THADA: variants seen among roughly 807,000 people sequenced by gnomAD.
The protein encoded by THADA is tRNA (32-2'-O)-methyltransferase regulator THADA.
Under a neutral mutation model 219.8 loss-of-function variants are expected in THADA, and 213 were observed. The observed-to-expected ratio is 0.97, with a 90% CI of 0.87 to 1.09. THADA has a LOEUF of 1.09. Among genes scored for constraint, THADA ranks in the 50% least tolerant of loss-of-function variants. The probability of loss-of-function intolerance (pLI) is 0.00; values close to 1 mark genes in which losing one functional copy is unlikely to be tolerated. For missense variants in THADA, 2,956 were observed against 2,311.3 expected (o/e 1.28, Z -5.72); for synonymous variants, 1,018 against 828.9 (o/e 1.23, Z -3.92).
At chr2:43,536,830 C>G (rs1694675093) in intron 21 of THADA, among the ~76,000 whole-genome samples, 1 of 152,138 alleles carries the variant, frequency 6.6e-6, no homozygotes, top group African/African-American at 2.4e-5. Context: ...ATGGAGCTAA[C>G]ACTAGAACCT....
At chr2:43,323,234 T>C (rs1414616087) in intron 30 of THADA, among the ~76,000 whole-genome samples, 1 of 152,046 alleles carries the variant, frequency 6.6e-6, no homozygotes, top group Non-Finnish European at 1.5e-5. Context: ...CTCAACCTCC[T>C]GGGCTCAAGC....
intron 22 of THADA, among the ~76,000 whole-genome samples, chr2:43,521,841 T>C (rs931390114): frequency 9.2e-5 from 14 of 152,238 alleles, no homozygotes; most frequent in African/African-American, 3.4e-4. Flanking sequence ...TAACTGGTCA[T>C]TAGACAATTA....
At chr2:43,485,471 TA>T (rs888232579) in intron 25 of THADA, 146 bp from the exon 26 acceptor site, 360 of 555,362 alleles carry the variant, frequency 6.5e-4, no homozygotes, top group South Asian at 3.3e-3. Context: ...TAAAATAATT[TA>T]AAAAAAAAAC....
At chr2:43,366,116 C>T (rs1429666030) in intron 29 of THADA, among the ~76,000 whole-genome samples, 1 of 152,168 alleles carries the variant, frequency 6.6e-6, no homozygotes, top group Non-Finnish European at 1.5e-5. Flanking sequence ...CTGTTCACTG[C>T]AGGGCAGGTG....
At chr2:43,312,977 CA>C (rs1283744862) in intron 31 of THADA, among the ~76,000 whole-genome samples, 3 of 152,132 alleles carry the variant, frequency 2.0e-5, no homozygotes, top group African/African-American at 7.2e-5. Flanking sequence ...ACTAAATAAT[CA>C]AAGCAGGTGT....
intron 36 of THADA, among the ~76,000 whole-genome samples, chr2:43,274,823 A>G (rs1471385902): frequency 6.6e-6 from 1 of 151,982 alleles, no homozygotes; most frequent in Non-Finnish European, 1.5e-5. Context: ...TCCCCTTTAA[A>G]GGTCTTACAT....
At chr2:43,248,182 G>C (rs1025747618) in intron 36 of THADA, among the ~76,000 whole-genome samples, 2 of 107,656 alleles carry the variant, frequency 1.9e-5, no homozygotes, top group East Asian at 2.3e-4. Context: ...GAGAGAGAGA[G>C]AGAGAGAGAG....
At chr2:43,417,857 C>A (rs1386356558) in intron 28 of THADA, among the ~76,000 whole-genome samples, 2 of 152,238 alleles carry the variant, frequency 1.3e-5, no homozygotes, top group South Asian at 2.1e-4. Flanking sequence ...TACTGCCCAA[C>A]ATTCCCCCCC....
chr2:43,473,650 C>T (rs548004831), intron 26 of THADA, among the ~76,000 whole-genome samples: 1 of 151,988 alleles, frequency 6.6e-6, no homozygotes, highest in African/African-American at 2.4e-5. Flanking sequence ...TCACTCTCAC[C>T]CAGGCTGGAG....
chr2:43,253,569 T>C (rs563389039), intron 36 of THADA, among the ~76,000 whole-genome samples: 37 of 152,272 alleles, frequency 2.4e-4, no homozygotes, highest in Non-Finnish European at 4.6e-4. Flanking sequence ...TATGTGGGTT[T>C]CATGACAATG....
chr2:43,550,457 T>C (rs2103874121), intron 19 of THADA, among the ~76,000 whole-genome samples: 1 of 152,240 alleles, frequency 6.6e-6, no homozygotes, highest in Non-Finnish European at 1.5e-5. Context: ...GATCAGAGAA[T>C]AAATTTTTAA....
rs1035611336 is a variant in THADA, at chr2:43,434,663, G to A, written c.3837-4361C>T. 5.9e-5 allele frequency among the ~76,000 whole-genome samples: 9 copies of A among 152,266 alleles called. No homozygotes were observed. In the South Asian group the frequency reaches 1.9e-3, roughly 32 times the overall value. Reference sequence around the variant, plus strand: ...TCAGAAAAGAGACAGGCCGCCGAGTGGCCCAAATCCAGCGGAAAACCATCT... The same window carrying A: ...TCAGAAAAGAGACAGGCCGCCGAGTAGCCCAAATCCAGCGGAAAACCATCT... On this transcript the variant is annotated intron_variant, in intron 26 of 37. Transcript: ENST00000405975.
intron 20 of THADA, among the ~76,000 whole-genome samples, chr2:43,547,840 C>T (rs1696234458): frequency 6.6e-6 from 1 of 152,192 alleles, no homozygotes; most frequent in South Asian, 2.1e-4. Context: ...GTAGTTTGAT[C>T]ATCTGAAGCC....
chr2:43,297,267 C>CGAG (rs1675550571), intron 31 of THADA, among the ~76,000 whole-genome samples: 1 of 111,094 alleles, frequency 9.0e-6, no homozygotes, highest in Non-Finnish European at 1.8e-5. Context: ...TCTGCCCGGC[C>CGAG]ACCCCGTCTG....
intron 36 of THADA, among the ~76,000 whole-genome samples, chr2:43,259,385 G>A (rs1670684768): frequency 6.6e-6 from 1 of 152,236 alleles, no homozygotes. Context: ...GGCTACAACT[G>A]AGATAGTACA....
chr2:43,347,238 G>C (rs1011501679), intron 29 of THADA, among the ~76,000 whole-genome samples: 24 of 152,128 alleles, frequency 1.6e-4, no homozygotes, highest in African/African-American at 5.3e-4. Context: ...GGTAAATGGC[G>C]TATAATAATA....
At chr2:43,554,692 T>C (rs1183015337) in intron 17 of THADA, among the ~76,000 whole-genome samples, 1 of 152,138 alleles carries the variant, frequency 6.6e-6, no homozygotes, top group East Asian at 1.9e-4. Context: ...GTCTCGGAAT[T>C]TGTTGGTGAG....
chr2:43,469,157 C>T (rs1684616954), intron 26 of THADA, among the ~76,000 whole-genome samples: 1 of 151,876 alleles, frequency 6.6e-6, no homozygotes, highest in Non-Finnish European at 1.5e-5. Context: ...ATACTGTAAG[C>T]AAAAGAGGAG....
chr2:43,396,301 T>G (rs1043791680), intron 29 of THADA, among the ~76,000 whole-genome samples: 1 of 152,154 alleles, frequency 6.6e-6, no homozygotes, highest in African/African-American at 2.4e-5. Flanking sequence ...TGCTTAGAGG[T>G]CACTTCCTCT....
Sources: allele counts gnomAD v4.1 joint callset (sites outside exome capture counted in the v4.1 genomes callset), GRCh38; gene constraint gnomAD v4.1.1; transcripts MANE v1.5; gene names NCBI Gene and HGNC (gene_info 2026-07-23, HGNC 2026-07-21).